TENM1: variants seen among roughly 807,000 people sequenced by gnomAD.
TENM1 encodes teneurin-1.
In TENM1, 35 loss-of-function variants were observed where a neutral mutation model predicts 174.8. That is an observed-to-expected ratio of 0.20 (90% CI 0.15 to 0.27). TENM1 has a LOEUF of 0.27. Ranked by LOEUF, TENM1 falls within the 10% of genes least tolerant of loss-of-function variation. TENM1 has a pLI of 1.00. For missense variants in TENM1, 1,633 were observed against 2,130.1 expected, an observed-to-expected ratio of 0.77 and a Z score of 4.59; for synonymous variants, 781 against 798.7, an observed-to-expected ratio of 0.98 and a Z score of 0.37.
At chrX:124,689,245 G>A (rs2148468151) in intron 5 of TENM1, among the ~76,000 whole-genome samples, 1 of 111,658 alleles carries the variant, frequency 9.0e-6, no homozygotes, top group African/African-American at 3.3e-5. Context: ...CAAAGTGTTG[G>A]ATTTTTTAAA....
At chrX:124,406,259 C>T (rs1191454234) in intron 26 of TENM1, 58 bp downstream of exon 29, 6 of 979,642 alleles carry the variant, frequency 6.1e-6, no homozygotes, top group Non-Finnish European at 7.1e-6. Flanking sequence ...ACGCAGGTTT[C>T]AAGGTGGATG....
intron 3 of TENM1, among the ~76,000 whole-genome samples, chrX:124,770,096 T>C (rs1267379107): frequency 8.9e-6 from 1 of 112,327 alleles, no homozygotes; most frequent in African/African-American, 3.2e-5. Flanking sequence ...TTTTAACTTA[T>C]ATATTCCTGG....
chrX:124,854,880 T>C (rs951611427), intron 3 of TENM1, among the ~76,000 whole-genome samples: 3 of 111,974 alleles, frequency 2.7e-5, no homozygotes, highest in Non-Finnish European at 3.8e-5. Context: ...TGAGTTCAAC[T>C]GTACTGCATT....
At chrX:125,163,643 C>G in the TENM1 span, among the ~76,000 whole-genome samples, 1 of 111,318 alleles carries the variant, frequency 9.0e-6, no homozygotes, top group Non-Finnish European at 1.9e-5. Context: ...TGTTTCCTAA[C>G]AATAGTCATG....
intron 16 of TENM1, 53 bp downstream of exon 19, chrX:124,529,811 G>A: frequency 8.3e-7 from 1 of 1,206,554 alleles, no homozygotes; most frequent in Non-Finnish European, 1.1e-6. Context: ...TTTTACCCCT[G>A]GCTAGAAGTC....
At chrX:124,412,245 AGTGT>A (rs1219032615) in intron 25 of TENM1, among the ~76,000 whole-genome samples, 1 of 112,936 alleles carries the variant, frequency 8.9e-6, no homozygotes, top group Non-Finnish European at 1.9e-5. Context: ...CACTTGAGTG[AGTGT>A]GTGTGTGCAT....
rs1339502039 is a variant in TENM1, at chrX:124,471,338, T to C, written c.3949+10394A>G. ...CTATATATTATAATATATAGTACTA[T>C]ATATAATATATATTATAATATATAG... On this transcript the variant is annotated intron_variant, in intron 22 of 31. Coordinates refer to ENST00000422452, the Ensembl canonical transcript of TENM1. Among the ~76,000 whole-genome samples, 26 of 13,644 alleles carry C rather than the reference T, an allele frequency of 1.9e-3. 2 individuals are homozygous for C. In the East Asian group the frequency reaches 0.047, roughly 25 times the overall value. 11.8% of individuals were successfully genotyped at this position (13,644 alleles called of 115,157 possible).
the TENM1 span, among the ~76,000 whole-genome samples, chrX:124,978,537 T>G: frequency 8.9e-6 from 1 of 112,223 alleles, no homozygotes; most frequent in African/African-American, 3.2e-5. Flanking sequence ...CTTTATGTAG[T>G]CACTTGCCTG....
chrX:125,200,654 T>TGTGTGTGTGTGAGAGAGAGAGAGA, the TENM1 span, among the ~76,000 whole-genome samples: 1 of 92,424 alleles, frequency 1.1e-5, no homozygotes, highest in African/African-American at 4.2e-5. Flanking sequence ...TGTGTGTGTG[T>TGTGTGTGTGTGAGAGAGAGAGAGA]GAGAGAGAGA....
At position 124,828,835 on chromosome X, in the gene TENM1, A is replaced by G. The variant is rs146887728; in HGVS notation, c.535+65461T>C. ...GAAAGAAAGAAAACAAAAGAAAGAA[A>G]GATGCAAAATGCATCCTGAGTGTAA... On this transcript the variant is annotated intron_variant, in intron 3 of 31. Transcript: ENST00000422452. Among the ~76,000 whole-genome samples, 576 of 112,393 alleles carry G rather than the reference A, an allele frequency of 5.1e-3. 4 individuals carry two copies. Among genetic ancestry groups the G allele is most frequent in the African/African-American group, 0.017 (535 of 30,997 alleles).
chrX:124,965,532 CT>C (rs2058715728), upstream of TENM1, among the ~76,000 whole-genome samples: 1 of 111,746 alleles, frequency 8.9e-6, no homozygotes, highest in African/African-American at 3.3e-5. Context: ...GTCTTAATGT[CT>C]CTTTATATCC....
chrX:124,597,493 T>C (rs765701508), intron 11 of TENM1, among the ~76,000 whole-genome samples: 1 of 110,564 alleles, frequency 9.0e-6, no homozygotes, highest in African/African-American at 3.3e-5. Flanking sequence ...CGCACAAGAA[T>C]GATATAACGG....
rs951511262 is a variant in TENM1 at position 124,603,450 on chromosome X, C to G, written c.2078-37890G>C. On this transcript the variant is annotated intron_variant, in intron 11 of 31. Transcript: ENST00000422452. The stretch of plus-strand genomic sequence containing the variant: ...ATGCAAATGAATTATTTTCCTGAGT[C>G]CTCAGAACAGCTCTATGTTAGAGGT... Among the ~76,000 whole-genome samples the G allele has an allele frequency of 2.7e-5, 3 of 111,311 alleles. No homozygotes were observed. The East Asian group carries it at 8.5e-4, about 32-fold the overall frequency.
intron 4 of TENM1, among the ~76,000 whole-genome samples, chrX:124,729,119 C>T (rs942543585): frequency 3.6e-5 from 4 of 112,049 alleles, no homozygotes; most frequent in African/African-American, 1.3e-4. Context: ...TGCTGAATGC[C>T]TCGCTGTGCA....
At chrX:124,847,444 T>C (rs1048936787) in intron 3 of TENM1, among the ~76,000 whole-genome samples, 1 of 111,618 alleles carries the variant, frequency 9.0e-6, no homozygotes. Context: ...CAGTGTAGTG[T>C]GTCTGTAACT....
exon 32 of TENM1, chrX:124,376,320 G>T (rs1160327007): frequency 4.5e-5 from 5 of 112,277 alleles, no homozygotes; most frequent in Non-Finnish European, 9.4e-5. Flanking sequence ...TGACATAAAG[G>T]CTATACTTCT....
At chrX:124,464,653 G>A (rs1291623667) in intron 22 of TENM1, among the ~76,000 whole-genome samples, 2 of 111,889 alleles carry the variant, frequency 1.8e-5, no homozygotes, top group African/African-American at 6.5e-5. Context: ...AGAGACGTTT[G>A]GGAGAACTGA....
the TENM1 span, among the ~76,000 whole-genome samples, chrX:125,080,534 A>G: frequency 9.0e-6 from 1 of 111,666 alleles, no homozygotes; most frequent in Non-Finnish European, 1.9e-5. Context: ...TCCTCATTTT[A>G]CAGATGCGGA....
At chrX:125,042,325 G>A in the TENM1 span, among the ~76,000 whole-genome samples, 1 of 111,095 alleles carries the variant, frequency 9.0e-6, no homozygotes. Context: ...TCTTTGAAGA[G>A]CTATTTTTCC....
Sources: allele counts gnomAD v4.1 joint callset (sites outside exome capture counted in the v4.1 genomes callset), GRCh38; gene constraint gnomAD v4.1.1; transcripts MANE v1.5; gene names NCBI Gene and HGNC (gene_info 2026-07-23, HGNC 2026-07-21).